GPC5: variants seen among roughly 807,000 people sequenced by gnomAD.
The protein encoded by GPC5 is glypican-5.
In GPC5, 47 loss-of-function variants were observed where a neutral mutation model predicts 53.9. That is an observed-to-expected ratio of 0.87 (90% CI 0.69 to 1.11). The LOEUF (loss-of-function observed/expected upper bound fraction) is 1.11, where lower values mean the gene tolerates loss of function less well. GPC5 is among the 50% of genes most tolerant of loss of function. GPC5 has a pLI of 0.00. For synonymous variants in GPC5, 286 were observed against 263.3 expected (o/e 1.09, Z -0.84); for missense variants, 748 against 713.1 (o/e 1.05, Z -0.56).
chr13:92,168,365 G>T (rs951810998), intron 7 of GPC5, among the ~76,000 whole-genome samples: 1 of 152,130 alleles, frequency 6.6e-6, no homozygotes, highest in Non-Finnish European at 1.5e-5. Flanking sequence ...TAGAGCTTCC[G>T]CACAGCAAAA....
chr13:92,432,631 T>C (rs560961358), intron 7 of GPC5, among the ~76,000 whole-genome samples: 2 of 151,716 alleles, frequency 1.3e-5, no homozygotes, highest in Admixed American at 1.3e-4. Context: ...CGCCTCCGCC[T>C]CCCAAAATGC....
chr13:92,778,978 CACACACACACAT>C (rs1687885127), intron 7 of GPC5, among the ~76,000 whole-genome samples: 4 of 151,954 alleles, frequency 2.6e-5, no homozygotes. Context: ...CACACACACA[CACACACACACAT>C]ATATATATAT....
At chr13:91,913,995 T>C (rs958564499) in intron 6 of GPC5, among the ~76,000 whole-genome samples, 4 of 152,190 alleles carry the variant, frequency 2.6e-5, no homozygotes, top group African/African-American at 9.6e-5. Context: ...GTATATCTGA[T>C]TGAGGAAATG....
chr13:92,398,675 A>G (rs902831090), intron 7 of GPC5, among the ~76,000 whole-genome samples: 3 of 152,176 alleles, frequency 2.0e-5, no homozygotes, highest in African/African-American at 7.2e-5. Context: ...TTACTCTTCT[A>G]TAAATACATC....
At chr13:92,838,019 T>C (rs925880665) in intron 7 of GPC5, among the ~76,000 whole-genome samples, 2 of 151,028 alleles carry the variant, frequency 1.3e-5, no homozygotes, top group Non-Finnish European at 1.5e-5. Flanking sequence ...TGCTGGAACC[T>C]GGAAGCCAAG....
chr13:92,293,187 T>A (rs1406271820), intron 7 of GPC5, among the ~76,000 whole-genome samples: 7 of 152,154 alleles, frequency 4.6e-5, no homozygotes, highest in Non-Finnish European at 1.0e-4. Context: ...AGAATTTTTT[T>A]TTCTAATTCT....
chr13:91,479,190 G>A (rs1452347438), intron 2 of GPC5, among the ~76,000 whole-genome samples: 2 of 151,728 alleles, frequency 1.3e-5, no homozygotes, highest in Non-Finnish European at 2.9e-5. Flanking sequence ...TGGGATTACA[G>A]GCTTGAGCCA....
intron 7 of GPC5, among the ~76,000 whole-genome samples, chr13:92,379,595 A>G (rs2043722233): frequency 1.3e-5 from 2 of 150,636 alleles, no homozygotes; most frequent in Admixed American, 1.3e-4. Context: ...CCTGCATATT[A>G]GTTCCTCTCT....
rs1227956914 is a variant in GPC5 at position 91,959,066 on chromosome 13, A to ACG, written c.1401+51010_1401+51011insGC. ...CAAACAGAATGGAGACAACACACAC[A>ACG]CACACACACACACACACACACACAC... is the stretch of plus-strand genomic sequence containing the variant. On this transcript the variant is annotated intron_variant, in intron 6 of 7. Transcript: ENST00000377067. Among the ~76,000 whole-genome samples the ACG allele has an allele frequency of 5.4e-5, 7 of 129,954 alleles. No individual in the cohort carries two copies. In the East Asian group the frequency reaches 1.4e-3, roughly 26 times the overall value. 85.3% of individuals were successfully genotyped at this position (129,954 alleles called of 152,430 possible). A position where few individuals can be genotyped will look rare whatever the true frequency, so the allele number is the denominator to read the frequency against.
chr13:91,527,284 C>T (rs560880316), intron 2 of GPC5, among the ~76,000 whole-genome samples: 2 of 152,320 alleles, frequency 1.3e-5, no homozygotes, highest in East Asian at 3.9e-4. Context: ...GTAAATGTTC[C>T]TGTTCCAAAT....
intron 2 of GPC5, among the ~76,000 whole-genome samples, chr13:91,497,595 C>T (rs1182312825): frequency 6.6e-6 from 1 of 152,058 alleles, no homozygotes; most frequent in Non-Finnish European, 1.5e-5. Flanking sequence ...GAAATTAGTC[C>T]ATAGAAACCT....
chr13:92,814,138 T>C (rs1472332687), intron 7 of GPC5, among the ~76,000 whole-genome samples: 1 of 151,966 alleles, frequency 6.6e-6, no homozygotes, highest in East Asian at 1.9e-4. Context: ...AATAGTATTT[T>C]CAACAAATGG....
At chr13:91,621,921 G>A (rs1157416914) in intron 2 of GPC5, among the ~76,000 whole-genome samples, 2 of 151,826 alleles carry the variant, frequency 1.3e-5, no homozygotes, top group Non-Finnish European at 2.9e-5. Flanking sequence ...CAACAGTGCA[G>A]CCTTCAGTCT....
intron 7 of GPC5, among the ~76,000 whole-genome samples, chr13:92,516,258 A>T (rs988811088): frequency 6.6e-6 from 1 of 152,156 alleles, no homozygotes; most frequent in Non-Finnish European, 1.5e-5. Flanking sequence ...AAATAATAAT[A>T]ATCCATATAG....
chr13:92,482,666 T>C (rs976349197), intron 7 of GPC5, among the ~76,000 whole-genome samples: 2 of 152,208 alleles, frequency 1.3e-5, no homozygotes, highest in African/African-American at 2.4e-5. Context: ...TTGTAATTTA[T>C]AACTTCCATT....
intron 7 of GPC5, among the ~76,000 whole-genome samples, chr13:92,706,730 T>C (rs1887964259): frequency 6.6e-6 from 1 of 152,154 alleles, no homozygotes; most frequent in Admixed American, 6.6e-5. Flanking sequence ...TCAAGACAAA[T>C]TGAAGCATTC....
intron 6 of GPC5, among the ~76,000 whole-genome samples, chr13:92,036,762 G>T (rs973770684): frequency 1.3e-5 from 2 of 152,040 alleles, no homozygotes; most frequent in African/African-American, 4.8e-5. Flanking sequence ...TCTGTATATT[G>T]TATGAGTGTT....
intron 7 of GPC5, among the ~76,000 whole-genome samples, chr13:92,863,300 A>C (rs1420905005): frequency 6.6e-6 from 1 of 152,148 alleles, no homozygotes; most frequent in East Asian, 1.9e-4. Flanking sequence ...CTAGTGCCTC[A>C]GTTTCCTCAT....
chr13:92,338,700 A>C (rs2043342260), intron 7 of GPC5, among the ~76,000 whole-genome samples: 1 of 152,124 alleles, frequency 6.6e-6, no homozygotes, highest in Non-Finnish European at 1.5e-5. Context: ...AATTGTGGTG[A>C]CAGTAAAAAA....
Sources: allele counts gnomAD v4.1 joint callset (sites outside exome capture counted in the v4.1 genomes callset), GRCh38; gene constraint gnomAD v4.1.1; transcripts MANE v1.5; gene names NCBI Gene and HGNC (gene_info 2026-07-23, HGNC 2026-07-21).